GALNTL6: variants seen among roughly 807,000 people sequenced by gnomAD.
GALNTL6 encodes the protein polypeptide N-acetylgalactosaminyltransferase-like 6.
A neutral mutation model predicts 73.7 loss-of-function variants in GALNTL6; 46 were observed. The ratio of observed to expected loss-of-function variants is 0.62; its 90% confidence interval spans 0.49 to 0.80. GALNTL6 has a LOEUF of 0.80. Ranked by LOEUF, GALNTL6 falls within the 30% of genes least tolerant of loss-of-function variation. The pLI is 0.00. For missense variants in GALNTL6, 604 were observed against 755.0 expected, an observed-to-expected ratio of 0.80 and a Z score of 2.34; for synonymous variants, 259 against 263.7, an observed-to-expected ratio of 0.98 and a Z score of 0.17.
chr4:172,438,406 T>G (rs1298602735), intron 5 of GALNTL6, among the ~76,000 whole-genome samples: 1 of 152,064 alleles, frequency 6.6e-6, no homozygotes, highest in Non-Finnish European at 1.5e-5. Flanking sequence ...CCAATAATAC[T>G]TGGTCCCACT....
At chr4:172,911,245 A>T (rs565164331) in intron 8 of GALNTL6, among the ~76,000 whole-genome samples, 1 of 152,360 alleles carries the variant, frequency 6.6e-6, no homozygotes, top group African/African-American at 2.4e-5. Flanking sequence ...ATCTCTCATT[A>T]AACTATCATG....
At chr4:172,309,707 C>T (rs1740280581) in intron 3 of GALNTL6, among the ~76,000 whole-genome samples, 1 of 151,654 alleles carries the variant, frequency 6.6e-6, no homozygotes, top group African/African-American at 2.4e-5. Context: ...TTGAAGTAAA[C>T]ATTGTGTATC....
At chr4:172,548,041 C>G (rs1323132382) in intron 5 of GALNTL6, among the ~76,000 whole-genome samples, 1 of 152,096 alleles carries the variant, frequency 6.6e-6, no homozygotes, top group Non-Finnish European at 1.5e-5. Flanking sequence ...AGACAAATGA[C>G]TTGTGTATTA....
intron 5 of GALNTL6, among the ~76,000 whole-genome samples, chr4:172,600,288 A>G (rs748340233): frequency 3.3e-5 from 5 of 152,134 alleles, no homozygotes; most frequent in Non-Finnish European, 4.4e-5. Context: ...GATTTCAACA[A>G]CTGAAAACTA....
intron 4 of GALNTL6, among the ~76,000 whole-genome samples, chr4:172,324,067 TTTATTATGA>T (rs1202211742): frequency 1.3e-5 from 2 of 152,016 alleles, no homozygotes; most frequent in African/African-American, 4.8e-5. Flanking sequence ...TTGCTGCCTG[TTTATTATGA>T]TTATTACTAT....
chr4:172,893,675 C>T (rs569071071), intron 8 of GALNTL6, among the ~76,000 whole-genome samples: 2 of 152,340 alleles, frequency 1.3e-5, no homozygotes, highest in South Asian at 4.1e-4. Context: ...TGCTCTCTCC[C>T]AGCCTGGCAG....
At chr4:172,598,501 G>T (rs1232029704) in intron 5 of GALNTL6, among the ~76,000 whole-genome samples, 4 of 152,098 alleles carry the variant, frequency 2.6e-5, no homozygotes, top group Non-Finnish European at 5.9e-5. Flanking sequence ...CAGTTGCAGA[G>T]CCCAGTGCCA....
chr4:171,882,030 T>C (rs1736465148), intron 2 of GALNTL6, among the ~76,000 whole-genome samples: 1 of 152,186 alleles, frequency 6.6e-6, no homozygotes, highest in African/African-American at 2.4e-5. Context: ...CTCCCCTAAT[T>C]TCCCTTATTT....
In GALNTL6 at chr4:172,397,766, A is replaced by C. The variant is rs933584425; in HGVS notation, c.553+49077A>C. On this transcript the variant is annotated intron_variant, in intron 5 of 12. Transcript: ENST00000506823. ...CTAATTTTTGTATTTTTTAGTAGAG[A>C]CAGGGTTTCACCATGTTGGCCAGGA... 5.3e-5 allele frequency among the ~76,000 whole-genome samples: 8 copies of C among 151,954 alleles called. 1 individual carries two copies. The South Asian group carries it at 8.3e-4, about 16-fold the overall frequency.
chr4:172,395,892 A>C (rs1279215125), intron 5 of GALNTL6, among the ~76,000 whole-genome samples: 1 of 152,194 alleles, frequency 6.6e-6, no homozygotes, highest in Admixed American at 6.5e-5. Context: ...CCTGAGGAGA[A>C]AAATGAGTCC....
intron 2 of GALNTL6, among the ~76,000 whole-genome samples, chr4:171,929,154 C>T (rs1578981097): frequency 2.0e-5 from 3 of 152,262 alleles, no homozygotes; most frequent in Admixed American, 2.0e-4. Flanking sequence ...GCAGCCCCCA[C>T]CTCCCAGGCT....
intron 2 of GALNTL6, among the ~76,000 whole-genome samples, chr4:172,015,032 G>C (rs1741141944): frequency 6.6e-6 from 1 of 152,062 alleles, no homozygotes; most frequent in African/African-American, 2.4e-5. Context: ...ATCTGCAATT[G>C]TTGGGTAGAA....
At chr4:172,779,812 C>T (rs1259977321) in intron 5 of GALNTL6, among the ~76,000 whole-genome samples, 14 of 152,098 alleles carry the variant, frequency 9.2e-5, no homozygotes, top group Non-Finnish European at 1.5e-5. Flanking sequence ...TCATTTGTAG[C>T]AGTAAAATAG....
At chr4:172,115,165 A>T (rs1224417258) in intron 2 of GALNTL6, among the ~76,000 whole-genome samples, 1 of 152,138 alleles carries the variant, frequency 6.6e-6, no homozygotes, top group Non-Finnish European at 1.5e-5. Context: ...TTACATAGAA[A>T]CATTTAAAAT....
intron 5 of GALNTL6, among the ~76,000 whole-genome samples, chr4:172,580,041 C>T (rs886201059): frequency 6.6e-6 from 1 of 152,076 alleles, no homozygotes; most frequent in African/African-American, 2.4e-5. Flanking sequence ...GATGATAGGA[C>T]ACCCAAAAAC....
intron 2 of GALNTL6, among the ~76,000 whole-genome samples, chr4:171,821,207 T>G (rs1734670582): frequency 6.6e-6 from 1 of 152,146 alleles, no homozygotes; most frequent in African/African-American, 2.4e-5. Context: ...GGATAACTTT[T>G]TAAAAAATTT....
intron 5 of GALNTL6, among the ~76,000 whole-genome samples, chr4:172,413,316 C>T (rs1463571971): frequency 6.6e-6 from 1 of 152,212 alleles, no homozygotes; most frequent in Non-Finnish European, 1.5e-5. Flanking sequence ...CTTTTGATTA[C>T]AGCGTCTTGA....
At chr4:172,593,193 TTA>T (rs906121490) in intron 5 of GALNTL6, among the ~76,000 whole-genome samples, 69 of 152,324 alleles carry the variant, frequency 4.5e-4, no homozygotes, top group Non-Finnish European at 8.8e-5. Context: ...CTTGGATCAT[TTA>T]TAGACTTCTC....
At chr4:172,654,776 C>T (rs1730892713) in intron 5 of GALNTL6, among the ~76,000 whole-genome samples, 1 of 152,148 alleles carries the variant, frequency 6.6e-6, no homozygotes, top group Non-Finnish European at 1.5e-5. Context: ...AAAGAAAAAC[C>T]ACAACATTTT....
Sources: gnomAD v4.1 joint callset for allele counts (sites outside exome capture counted in the v4.1 genomes callset) on GRCh38, gnomAD v4.1.1 for gene constraint, MANE v1.5 for transcripts, NCBI Gene and HGNC (gene_info 2026-07-23, HGNC 2026-07-21) for gene names.